Variants in DOCK1 observed in about 807,000 individuals in gnomAD.
DOCK1 encodes dedicator of cytokinesis 1, also known as dedicator of cytokinesis protein 1.
In DOCK1, 138 loss-of-function variants were observed where a neutral mutation model predicts 262.7. The observed-to-expected ratio is 0.53, with a 90% CI of 0.46 to 0.61. The LOEUF (loss-of-function observed/expected upper bound fraction) is 0.61, where lower values mean the gene tolerates loss of function less well. Ranked by LOEUF, DOCK1 falls within the 20% of genes least tolerant of loss-of-function variation. DOCK1 has a pLI of 0.00. For synonymous variants in DOCK1, 866 were observed against 867.4 expected, an observed-to-expected ratio of 1.00 and a Z score of 0.03; for missense variants, 1,908 against 2,370.7, an observed-to-expected ratio of 0.80 and a Z score of 4.05.
intron 27 of DOCK1, among the ~76,000 whole-genome samples, chr10:127,183,071 CTTTTTTTTTTTTTT>C (rs3066813): frequency 1.7e-4 from 15 of 88,634 alleles, no homozygotes; most frequent in Non-Finnish European, 3.0e-4. Flanking sequence ...TATGGTGAAT[CTTTTTTTTTTTTTT>C]TTTTTTTTTT....
At chr10:127,264,228 G>A (rs2135098365) in intron 29 of DOCK1, among the ~76,000 whole-genome samples, 1 of 152,256 alleles carries the variant, frequency 6.6e-6, no homozygotes, top group Middle Eastern at 3.4e-3. Context: ...AGTCCTCCCT[G>A]CCTACTGTAC....
chr10:127,270,989 ATATGTGTG>A (rs78104821), intron 29 of DOCK1, among the ~76,000 whole-genome samples: 45,626 of 112,684 alleles, frequency 0.4, 8,031 homozygotes, highest in South Asian at 0.6. Context: ...CAAAAGTTAT[ATATGTGTG>A]TATGTGTGTG....
chr10:127,115,452 G>A (rs1029221795), intron 25 of DOCK1, among the ~76,000 whole-genome samples: 5 of 152,194 alleles, frequency 3.3e-5, no homozygotes, highest in Non-Finnish European at 7.3e-5. Flanking sequence ...TGTGGAGTGA[G>A]CAGATTTTCA....
chr10:126,906,579 A>G (rs1212107747), intron 1 of DOCK1, among the ~76,000 whole-genome samples: 1 of 152,110 alleles, frequency 6.6e-6, no homozygotes, highest in Non-Finnish European at 1.5e-5. Flanking sequence ...CCCGACTGGG[A>G]AGACCTTTGG....
In DOCK1 at chr10:127,380,712, C is replaced by A. The variant is rs115051584; in HGVS notation, c.3717-566C>A. 1.7e-3 allele frequency among the ~76,000 whole-genome samples: 260 copies of A among 152,278 alleles called. 1 individual carries two copies. Among genetic ancestry groups the A allele is most frequent in the African/African-American group, 6.0e-3 (249 of 41,548 alleles). On this transcript the variant is annotated intron_variant, in intron 36 of 51. Transcript: ENST00000623213. The stretch of plus-strand genomic sequence containing the variant: ...TGTCAAATAATTAGCAAGATTACCA[C>A]TCTGGAGACTAGGAGAAGGATGTAA...
chr10:127,110,955 T>C (rs1240301625), intron 25 of DOCK1, among the ~76,000 whole-genome samples: 1 of 152,226 alleles, frequency 6.6e-6, no homozygotes, highest in African/African-American at 2.4e-5. Context: ...AACCTCTGCA[T>C]AATTCCACAA....
chr10:127,346,566 A>G (rs1472369730), intron 31 of DOCK1, among the ~76,000 whole-genome samples: 6 of 152,228 alleles, frequency 3.9e-5, no homozygotes, highest in Non-Finnish European at 8.8e-5. Context: ...ACTGCGCTCC[A>G]GCCTGGCTGA....
intron 12 of DOCK1, among the ~76,000 whole-genome samples, chr10:127,017,381 A>G (rs1034765630): frequency 2.0e-5 from 3 of 152,100 alleles, no homozygotes; most frequent in African/African-American, 4.8e-5. Context: ...ACAGACACAG[A>G]CATACATACA....
chr10:126,986,586 A>G (rs1181435809), intron 4 of DOCK1, among the ~76,000 whole-genome samples: 1 of 152,164 alleles, frequency 6.6e-6, no homozygotes, highest in Admixed American at 6.5e-5. Context: ...ATTTGATGAA[A>G]ACGAGCGCAT....
At chr10:127,279,731 T>C (rs1293906814) in intron 29 of DOCK1, among the ~76,000 whole-genome samples, 1 of 152,166 alleles carries the variant, frequency 6.6e-6, no homozygotes, top group Non-Finnish European at 1.5e-5. Context: ...GTGCTTTGCC[T>C]GGGCTGCAGC....
At chr10:127,111,550 G>T (rs2048865651) in intron 25 of DOCK1, among the ~76,000 whole-genome samples, 1 of 152,158 alleles carries the variant, frequency 6.6e-6, no homozygotes. Flanking sequence ...CCACTCACCA[G>T]GTGTTTTCCA....
At chr10:127,214,272 C>A (rs181244152) in intron 27 of DOCK1, among the ~76,000 whole-genome samples, 1 of 152,178 alleles carries the variant, frequency 6.6e-6, no homozygotes, top group East Asian at 1.9e-4. Context: ...TAGCTCCCCC[C>A]GCCCAGCTGT....
intron 2 of DOCK1, among the ~76,000 whole-genome samples, chr10:126,974,957 A>G (rs905834182): frequency 6.6e-6 from 1 of 152,024 alleles, no homozygotes; most frequent in Non-Finnish European, 1.5e-5. Context: ...TTAAATAAAG[A>G]CACAAAACTC....
intron 27 of DOCK1, among the ~76,000 whole-genome samples, chr10:127,216,285 C>G (rs753847540): frequency 6.8e-6 from 1 of 147,084 alleles, no homozygotes; most frequent in African/African-American, 2.5e-5. Flanking sequence ...TTCTACCAGT[C>G]TTCATGCCAA....
In DOCK1 at chr10:127,380,126, T is replaced by C; in HGVS notation, c.3716+4T>C. ...AAAGAGAAGAAATGTATATAAGGTA[T>C]GTATGCATCACGCTTGTCTGCATGT... is the stretch of plus-strand genomic sequence containing the variant. On this transcript the variant is annotated splice_donor_region_variant and intron_variant, in intron 36 of 51. Transcript: ENST00000623213. The C allele has an allele frequency of 6.7e-7, 1 of 1,501,832 alleles. No individual in the cohort carries two copies. The highest frequency in any genetic ancestry group is 9.0e-7 in the Non-Finnish European group (1 of 1,111,134). 93.0% of individuals were successfully genotyped at this position (1,501,832 alleles called of 1,614,324 possible).
At chr10:127,224,609 G>A (rs1215150543) in intron 27 of DOCK1, among the ~76,000 whole-genome samples, 1 of 151,064 alleles carries the variant, frequency 6.6e-6, no homozygotes. Context: ...AGTCCCAGCT[G>A]CTTGGGAGCC....
At chr10:127,037,838 C>CT (rs2043746532) in intron 19 of DOCK1, 22 bp downstream of exon 19, 2 of 1,210,702 alleles carry the variant, frequency 1.7e-6, no homozygotes, top group African/African-American at 3.4e-5. Flanking sequence ...CCCAAAGGGA[C>CT]TTTTTGGGTC....
intron 10 of DOCK1, chr10:127,000,662 A>G (rs2135150817): frequency 5.4e-6 from 1 of 185,058 alleles, no homozygotes; most frequent in African/African-American, 2.4e-5. Flanking sequence ...GGACGGTCAA[A>G]GCAACGAAGA....
chr10:127,301,547 A>G (rs563964188), intron 29 of DOCK1, among the ~76,000 whole-genome samples: 35 of 152,298 alleles, frequency 2.3e-4, no homozygotes, highest in African/African-American at 7.5e-4. Flanking sequence ...CTGTGTGGTC[A>G]CCGGTGAATA....
Sources: allele counts gnomAD v4.1 joint callset (sites outside exome capture counted in the v4.1 genomes callset), GRCh38; gene constraint gnomAD v4.1.1; transcripts MANE v1.5; gene names NCBI Gene and HGNC (gene_info 2026-07-23, HGNC 2026-07-21).